LZTS3: variants seen among roughly 807,000 people sequenced by gnomAD.
LZTS3 encodes the protein leucine zipper tumor suppressor family member 3.
Under a neutral mutation model 50.9 loss-of-function variants are expected in LZTS3, and 16 were observed. The ratio of observed to expected loss-of-function variants is 0.31; its 90% CI spans 0.21 to 0.48. LZTS3 has a LOEUF of 0.48. Ranked by LOEUF, LZTS3 falls within the 20% of genes least tolerant of loss-of-function variation. The pLI, the probability that LZTS3 is intolerant of heterozygous loss-of-function variation, is 0.99. For missense variants in LZTS3, 816 were observed against 931.0 expected (o/e 0.88, Z 1.61); for synonymous variants, 408 against 410.6 (o/e 0.99, Z 0.08).
At position 3,164,696 on chromosome 20, in the gene LZTS3, G is replaced by T; in HGVS notation, c.1780C>A (p.Gln594Lys). 2 of 1,575,926 alleles carry T rather than the reference G, an allele frequency of 1.3e-6. No homozygotes were observed. The highest frequency in any genetic ancestry group is 2.4e-5 in the East Asian group (1 of 41,746). Reference sequence around the variant, plus strand: ...CGCTCCTCGGCGAAGCTGGCACCCTGGCGCTCCCGGGCCCGCCGCTCAGCC... The same window carrying T: ...CGCTCCTCGGCGAAGCTGGCACCCTTGCGCTCCCGGGCCCGCCGCTCAGCC... ...LAAERRARER[Q>K]GASFAEERRV... The change falls in exon 5 of 5, where the codon CAG becomes AAG. Residue 594 changes from glutamine to lysine, a missense_variant. Gln to Lys is a moderately conservative substitution (Grantham distance 53, BLOSUM62 1). Around this residue, in one of 3 missense-constraint regions of LZTS3, gnomAD observed 107 missense variants for 130.4 expected, o/e 0.82. Transcript: ENST00000337576.
At chr20:3,167,256 G>T in intron 2 of LZTS3, 75 bp from the exon 3 acceptor site, 1 of 1,419,726 alleles carries the variant, frequency 7.0e-7, no homozygotes, top group Non-Finnish European at 9.2e-7. Context: ...AAGTCAACCC[G>T]GCACCGCTCT....
rs553029840 is a variant in LZTS3, at chr20:3,167,261, C to T, written c.-18-80G>A. 1.2e-4 allele frequency: 175 copies of T among 1,416,312 alleles called. No individual in the cohort carries two copies. In the South Asian group the frequency reaches 2.2e-3, roughly 18 times the overall value. 87.7% of individuals were successfully genotyped at this position (1,416,312 alleles called of 1,614,324 possible). On this transcript the variant is annotated intron_variant, in intron 2 of 4. Coordinates refer to ENST00000337576, the MANE Select transcript of LZTS3 (RefSeq NM_001365618.1). ...CACCCCAGCCAAGTCAACCCGGCAC[C>T]GCTCTGCCCCTCAGTGTCCCCTTCC...
At chr20:3,169,682 C>T (rs147989308) in intron 1 of LZTS3, among the ~76,000 whole-genome samples, 5 of 151,944 alleles carry the variant, frequency 3.3e-5, no homozygotes, top group African/African-American at 7.2e-5. Context: ...AGTTCAAGAC[C>T]ATCCTGGCCA....
chr20:3,165,212 C>A lies in LZTS3; in HGVS notation c.1324-60G>T. On this transcript the variant is annotated intron_variant, in intron 4 of 4. Coordinates refer to ENST00000337576, the MANE Select transcript of LZTS3 (RefSeq NM_001365618.1). The surrounding 1 kb of genome is among the most constrained non-coding windows in gnomAD (Gnocchi z 5.0). ...AAGGCAGAGCTCTGCTCACCCCAAC[C>A]CAGCTACCAGATCTGGAGCCAGGGG... 1.4e-6 allele frequency: 2 copies of A among 1,421,266 alleles called. No homozygotes were observed. Among genetic ancestry groups the A allele is most frequent in the Non-Finnish European group, 1.9e-6 (2 of 1,078,144 alleles). The allele number at this position is 1,421,266 out of a possible 1,614,324, so 88.0% of individuals were successfully genotyped here.
chr20:3,170,801 A>T (rs1299292078), intron 1 of LZTS3, among the ~76,000 whole-genome samples: 3 of 150,112 alleles, frequency 2.0e-5, no homozygotes, highest in Non-Finnish European at 4.5e-5. Context: ...TCAAACAAAT[A>T]AACAAAACAG....
chr20:3,167,066 G>A lies in LZTS3; in HGVS notation c.98C>T (p.Pro33Leu), dbSNP rs748819357. 8.4e-6 allele frequency: 13 copies of A among 1,553,438 alleles called. No homozygotes were observed. The Admixed American group carries it at 1.1e-4, about 13-fold the overall frequency. The change falls in exon 3 of 5, where the codon CCC (proline) becomes CTC (leucine). Residue 33 changes from proline to leucine, a missense_variant. By Grantham distance (98) the Pro-to-Leu change is moderately conservative. Coordinates refer to ENST00000337576, the MANE Select transcript of LZTS3 (RefSeq NM_001365618.1). ...GCCCACGCTGCCCATGGCCAGGCGG[G>A]GGTCCGGGGGTCCAAGCTCGGAGGG... ...PRPSELGPPDPRLAMGSVGSG... is the reference protein window; with the variant it reads ...PRPSELGPPDLRLAMGSVGSG...
chr20:3,165,992 G>T lies in LZTS3; in HGVS notation c.828C>A (p.Ser276=). ...TCTTGCTGGAGGCCCGTCCACTATC[G>T]GAGGTCCCCAGGTCCTGGTAGCCCG... The part of the protein sequence containing the change: ...GGSGYQDLGT[S]DSGRASSKSG... Residue 276 remains serine (S), a synonymous_variant, in exon 4 of 5, where the codon TCC becomes TCA. Coordinates refer to ENST00000337576, the MANE Select transcript of LZTS3 (RefSeq NM_001365618.1). This position sits in a 1 kb window ranked among gnomAD's most constrained non-coding sequence, Gnocchi z 5.0. 1 of 1,613,422 alleles carries T rather than the reference G, an allele frequency of 6.2e-7. No homozygotes were observed.
chr20:3,168,665 TA>T (rs1225357732), intron 1 of LZTS3: 1 of 152,296 alleles, frequency 6.6e-6, no homozygotes, highest in Non-Finnish European at 1.5e-5. Flanking sequence ...GAGATCTGCA[TA>T]ATGCAGCCGG....
At chr20:3,166,434 A>G (rs1421950191) in intron 3 of LZTS3, 74 bp from the exon 4 acceptor site, 9 of 1,495,874 alleles carry the variant, frequency 6.0e-6, no homozygotes, top group East Asian at 4.6e-5. Flanking sequence ...CCCTCTGGCC[A>G]AGACTTGTCC....
intron 1 of LZTS3, among the ~76,000 whole-genome samples, chr20:3,171,085 C>A (rs2066897745): frequency 6.6e-6 from 1 of 152,162 alleles, no homozygotes; most frequent in South Asian, 2.1e-4. Context: ...CAACAGTGAT[C>A]ATGTTGACCT....
rs1259781507 is a variant in LZTS3, at chr20:3,167,824, G to A, written c.-105C>T. 8 of 985,272 alleles carry A rather than the reference G, an allele frequency of 8.1e-6. No individual in the cohort carries two copies. The highest frequency in any genetic ancestry group is 3.5e-5 in the African/African-American group (2 of 57,216). The allele number at this position is 985,272 out of a possible 1,614,324, so 61.0% of individuals were successfully genotyped here. A position where few individuals can be genotyped will look rare whatever the true frequency, so the allele number is the denominator to read the frequency against. On this transcript the variant is annotated 5_prime_UTR_variant, in exon 2 of 5. Coordinates refer to ENST00000337576, the MANE Select transcript of LZTS3 (RefSeq NM_001365618.1). The stretch of plus-strand genomic sequence containing the variant: ...CTTTCCAAGGGGTTGAGGGGCCGAC[G>A]GGTCCTCAAGCCTGGGACCCTCCGA...
rs116845247 is a variant in LZTS3, at chr20:3,172,955, G to A, written c.-243+500C>T. Among the ~76,000 whole-genome samples, 869 of 152,196 alleles carry A rather than the reference G, an allele frequency of 5.7e-3. 45 individuals carry two copies. In the East Asian group the frequency reaches 0.13, roughly 23 times the overall value. Reference sequence around the variant, plus strand: ...GGAATGGGCCCATCACCTAGCTACTGGCTCTGATGAAGCCAGTGTTTCAGG... The same window carrying A: ...GGAATGGGCCCATCACCTAGCTACTAGCTCTGATGAAGCCAGTGTTTCAGG... On this transcript the variant is annotated intron_variant, in intron 1 of 4. Transcript: ENST00000337576.
At chr20:3,169,234 C>G (rs2066873220) in intron 1 of LZTS3, among the ~76,000 whole-genome samples, 1 of 152,180 alleles carries the variant, frequency 6.6e-6, no homozygotes. Flanking sequence ...ACTCTAGTCC[C>G]TGCTCTGCCT....
chr20:3,169,150 G>A (rs2066872350), intron 1 of LZTS3, among the ~76,000 whole-genome samples: 1 of 152,162 alleles, frequency 6.6e-6, no homozygotes, highest in African/African-American at 2.4e-5. Flanking sequence ...CAAATGAAGG[G>A]CACAAACAGC....
chr20:3,172,673 C>CA (rs2122207657), intron 1 of LZTS3, among the ~76,000 whole-genome samples: 1 of 152,280 alleles, frequency 6.6e-6, no homozygotes, highest in South Asian at 2.1e-4. Context: ...GCACAGAGGG[C>CA]AGAGTCCTGG....
In LZTS3 at chr20:3,165,587, C is replaced by A; in HGVS notation, c.1233G>T (p.Met411Ile). 1 of 1,596,762 alleles carries A rather than the reference C, an allele frequency of 6.3e-7. No individual in the cohort carries two copies. The highest frequency in any genetic ancestry group is 8.5e-7 in the Non-Finnish European group (1 of 1,178,780). The change falls in exon 4 of 5, where the codon ATG becomes ATT. Residue 411 changes from methionine to isoleucine, a missense_variant. Physicochemically the swap from Met to Ile is conservative, Grantham distance 10 (BLOSUM62 1). Transcript: ENST00000337576. The surrounding 1 kb of genome is among the most constrained non-coding windows in gnomAD (Gnocchi z 5.0). ...KQLQEEAARL[M>I]RQREELEDKV... The stretch of plus-strand genomic sequence containing the variant: ...TGTCCTCCAGCTCTTCCCGCTGCCG[C>A]ATCAGCCGGGCCGCCTCCTCCTGCA...
chr20:3,166,012 A>T lies in LZTS3; in HGVS notation c.808T>A (p.Tyr270Asn). Residue 270 changes from tyrosine to asparagine, a missense_variant, in exon 4 of 5, where the codon TAC becomes AAC. Tyr to Asn is a moderately radical substitution (Grantham distance 143, BLOSUM62 -2). This residue lies in a region of LZTS3 where 700 missense variants were observed against 769.4 expected (regional missense o/e 0.91). Coordinates refer to ENST00000337576, the MANE Select transcript of LZTS3 (RefSeq NM_001365618.1). ...CTATCGGAGGTCCCCAGGTCCTGGT[A>T]GCCCGACCCCCCACCGCTGCTGCCG... The part of the protein sequence containing the change: ...SGGSSGGGSG[Y>N]QDLGTSDSGR... 6.2e-7 allele frequency: 1 copy of T among 1,613,094 alleles called. No individual in the cohort carries two copies. Among genetic ancestry groups the T allele is most frequent in the Non-Finnish European group, 8.5e-7 (1 of 1,179,760 alleles).
intron 3 of LZTS3, 135 bp from the exon 4 acceptor site, chr20:3,166,495 G>A (rs1035832785): frequency 2.4e-6 from 3 of 1,248,460 alleles, no homozygotes; most frequent in Middle Eastern, 2.4e-4. Context: ...TCCCCATCCG[G>A]GGTTCTACCT....
intron 1 of LZTS3, among the ~76,000 whole-genome samples, chr20:3,170,491 A>AAAAAAAAC (rs551063404): frequency 0.14 from 19,087 of 140,052 alleles, 2,253 homozygotes; most frequent in South Asian, 0.28. Flanking sequence ...TACATCAAAA[A>AAAAAAAAC]AAAAAAAAAA....
Sources: allele counts gnomAD v4.1 joint callset (sites outside exome capture counted in the v4.1 genomes callset), GRCh38; gene constraint gnomAD v4.1.1; regional missense constraint gnomAD v4.1.1; non-coding constraint Gnocchi (gnomAD v3.1); transcripts MANE v1.5; gene names NCBI Gene and HGNC (gene_info 2026-07-23, HGNC 2026-07-21).